The following NECTIN3 variants were observed in gnomAD, a reference collection of about 807,000 sequenced individuals.
NECTIN3 encodes the protein nectin-3.
Under a neutral mutation model 49.4 loss-of-function variants are expected in NECTIN3, and 8 were observed. That is an observed-to-expected ratio of 0.16 (90% CI 0.10 to 0.29). NECTIN3 has a LOEUF of 0.29. Ranked by LOEUF, NECTIN3 falls within the 10% of genes least tolerant of loss-of-function variation. The pLI is 1.00. For synonymous variants in NECTIN3, 277 were observed against 241.1 expected (o/e 1.15, Z -1.38); for missense variants, 581 against 654.6 (o/e 0.89, Z 1.23).
chr3:111,077,344 TA>T (rs10667346), intron 1 of NECTIN3: 8,611 of 80,230 alleles, frequency 0.11, 374 homozygotes, highest in Middle Eastern at 0.19. Context: ...ACTTTAATGG[TA>T]AAAAAAAAAA....
Position 111,124,340 on chromosome 3 carries a change from G to A in NECTIN3, c.918-1844G>A, listed in dbSNP as rs555513966. On this transcript the variant is annotated intron_variant, in intron 4 of 5. Coordinates refer to ENST00000485303, the MANE Select transcript of NECTIN3 (RefSeq NM_015480.3). ...TGTGAGGTACAGACAATGAATATAA[G>A]TCATGTAACATAGACACAAGGGCAT... Among the ~76,000 whole-genome samples the A allele has an allele frequency of 3.9e-4, 60 of 152,086 alleles. 1 individual carries two copies. Among genetic ancestry groups the A allele is most frequent in the Admixed American group, 1.2e-3 (19 of 15,268 alleles).
At chr3:111,073,249 C>G (rs181857142) in intron 1 of NECTIN3, among the ~76,000 whole-genome samples, 3 of 152,118 alleles carry the variant, frequency 2.0e-5, no homozygotes, top group African/African-American at 7.2e-5. Flanking sequence ...TTCATAAAAC[C>G]GTAAACTGAA....
At chr3:111,122,069 G>A in intron 3 of NECTIN3, 52 bp from the exon 4 acceptor site, 1 of 1,185,296 alleles carries the variant, frequency 8.4e-7, no homozygotes, top group Admixed American at 1.8e-5. Flanking sequence ...CATGTATATT[G>A]CATTTATCAT....
chr3:111,129,126 T>G (rs2034283856), intron 5 of NECTIN3, among the ~76,000 whole-genome samples: 1 of 152,186 alleles, frequency 6.6e-6, no homozygotes, highest in South Asian at 2.1e-4. Context: ...ATTTGCTGTT[T>G]TCACTGCCTG....
intron 5 of NECTIN3, among the ~76,000 whole-genome samples, chr3:111,132,890 A>G (rs1432802635): frequency 6.6e-6 from 1 of 151,944 alleles, no homozygotes. Flanking sequence ...TTTATAACAT[A>G]TTTTTACTTT....
intron 1 of NECTIN3, chr3:111,193,211 TAGC>T: frequency 6.5e-7 from 1 of 1,535,566 alleles, no homozygotes. Flanking sequence ...ATGGACTAAA[TAGC>T]AGGAGTTTTG....
chr3:111,166,082 A>C (rs2035313760), intron 7 of NECTIN3, among the ~76,000 whole-genome samples: 1 of 152,146 alleles, frequency 6.6e-6, no homozygotes, highest in African/African-American at 2.4e-5. Flanking sequence ...GGTCTGCTGC[A>C]AGTTTTGGTG....
rs747187494 is a variant in NECTIN3, at chr3:111,133,653, C to T, written c.1088C>T (p.Thr363Ile). 8 of 1,613,330 alleles carry T rather than the reference C, an allele frequency of 5.0e-6. No individual in the cohort carries two copies. The highest frequency in any genetic ancestry group is 4.0e-5 in the African/African-American group (3 of 74,920). ...CCATTAGATCCTCCTACTACTACCA[C>T]CCTTCAGCCTACAATTCAGTGGCAT... ...IYISDPPTTTTLQPTIQWHPS... is the reference protein window; with the variant it reads ...IYISDPPTTTILQPTIQWHPS... The change falls in exon 6 of 6, where the codon ACC (threonine) becomes ATC (isoleucine). Residue 363 changes from threonine (T) to isoleucine (I), a missense_variant. Thr to Ile is a moderately conservative substitution (Grantham distance 89, BLOSUM62 -1). Transcript: ENST00000485303.
chr3:111,165,035 T>A (rs1030162525), intron 7 of NECTIN3, among the ~76,000 whole-genome samples: 7 of 152,128 alleles, frequency 4.6e-5, no homozygotes, highest in Non-Finnish European at 7.4e-5. Flanking sequence ...TTTTTTATTT[T>A]TTTATTTTTT....
chr3:111,133,492 T>G (rs2034464047), intron 5 of NECTIN3, 143 bp from the exon 6 acceptor site: 1 of 1,247,990 alleles, frequency 8.0e-7, no homozygotes, highest in East Asian at 2.5e-5. Flanking sequence ...CATTCTAATC[T>G]TAATCAAATT....
chr3:111,129,082 A>G (rs921667195), intron 5 of NECTIN3, among the ~76,000 whole-genome samples: 3 of 152,202 alleles, frequency 2.0e-5, no homozygotes, highest in Non-Finnish European at 2.9e-5. Context: ...TTCTTCAAAC[A>G]TAGCAGGCAC....
intron 2 of NECTIN3, among the ~76,000 whole-genome samples, chr3:111,117,216 G>T (rs148144857): frequency 6.6e-6 from 1 of 152,130 alleles, no homozygotes; most frequent in East Asian, 1.9e-4. Flanking sequence ...AGAACACAAA[G>T]TTGAGTCAAA....
rs550153251 is a variant in NECTIN3 at position 111,132,239 on chromosome 3, GACAGGGTTACCTGTTATAA to G, written c.1070-1394_1070-1376del. On this transcript the variant is annotated intron_variant, in intron 5 of 5. Coordinates refer to ENST00000485303, the MANE Select transcript of NECTIN3 (RefSeq NM_015480.3). ...AACTAATATTCATCTCAAAGTACTTGACAGGGTTACCTGTTATAAATTTAAACTCAAAATTAGTTATATT... is the reference window on the plus strand; with the variant it reads ...AACTAATATTCATCTCAAAGTACTTGATTTAAACTCAAAATTAGTTATATT... 2.3e-3 allele frequency among the ~76,000 whole-genome samples: 352 copies of G among 151,856 alleles called. 4 individuals carry two copies. The highest frequency in any genetic ancestry group is 0.022 in the Admixed American group (329 of 15,246).
At position 111,072,169 on chromosome 3, in the gene NECTIN3, G is replaced by C. The variant is rs1284749074; in HGVS notation, c.152G>C (p.Arg51Thr). 10 of 1,555,748 alleles carry C rather than the reference G, an allele frequency of 6.4e-6. No homozygotes were observed. The highest frequency in any genetic ancestry group is 8.7e-6 in the Non-Finnish European group (10 of 1,151,284). The change falls in exon 1 of 6, where the codon AGG becomes ACG. Residue 51 changes from arginine (R) to threonine (T), a missense_variant. By Grantham distance (71) the Arg-to-Thr change is moderately conservative. This residue lies in a region of NECTIN3 where 109 missense variants were observed against 69.1 expected (regional missense o/e 1.58). Coordinates refer to ENST00000485303, the MANE Select transcript of NECTIN3 (RefSeq NM_015480.3). ...CTCTTCCCGCTGCTGCTCTTCTCCA[G>C]GCTCTGTGGTAGGTGAACCTCGGCG... is the stretch of plus-strand genomic sequence containing the variant. ...LLLFPLLLFS[R>T]LCGALAGPII...
At chr3:111,104,901 A>G (rs1021894132) in intron 1 of NECTIN3, among the ~76,000 whole-genome samples, 7 of 152,154 alleles carry the variant, frequency 4.6e-5, no homozygotes, top group African/African-American at 1.7e-4. Flanking sequence ...TCAGTTTCGA[A>G]TAAAGATGGG....
chr3:111,144,901 G>A (rs1181777740), exon 6 of NECTIN3: 2 of 1,532,924 alleles, frequency 1.3e-6, no homozygotes, highest in African/African-American at 1.4e-5. Flanking sequence ...CTTTACAGAT[G>A]TTCCATTTAA....
intron 1 of NECTIN3, among the ~76,000 whole-genome samples, chr3:111,094,584 C>T (rs1183413539): frequency 6.6e-6 from 1 of 152,086 alleles, no homozygotes; most frequent in Non-Finnish European, 1.5e-5. Flanking sequence ...ATAAAGGATA[C>T]CAAGCACAAT....
Position 111,134,976 on chromosome 3 carries a change from T to G in NECTIN3, c.*761T>G, listed in dbSNP as rs1478849554. 10 of 721,652 alleles carry G rather than the reference T, an allele frequency of 1.4e-5. No homozygotes were observed. Among genetic ancestry groups the G allele is most frequent in the East Asian group, 1.3e-4 (1 of 7,686 alleles). 44.7% of individuals were successfully genotyped at this position (721,652 alleles called of 1,614,324 possible). ...ACCTTTCAAACATGATAATTATTAG[T>G]TTTTTTTTTTCCTTTCTGGAACATG... is the stretch of plus-strand genomic sequence containing the variant. On this transcript the variant is annotated 3_prime_UTR_variant, in exon 6 of 6. Transcript: ENST00000485303.
chr3:111,155,104 A>C (rs140090995), intron 7 of NECTIN3, among the ~76,000 whole-genome samples: 132 of 152,128 alleles, frequency 8.7e-4, no homozygotes, highest in African/African-American at 3.2e-3. Context: ...GGCCCAGCTA[A>C]TTTTTGTATT....
Sources: gnomAD v4.1 joint callset for allele counts (sites outside exome capture counted in the v4.1 genomes callset) on GRCh38, gnomAD v4.1.1 for gene constraint, gnomAD v4.1.1 regional missense constraint, MANE v1.5 for transcripts, NCBI Gene and HGNC (gene_info 2026-07-23, HGNC 2026-07-21) for gene names.